LRRC66: variants seen among roughly 807,000 people sequenced by gnomAD.
LRRC66 encodes leucine-rich repeat-containing protein 66.
LRRC66 carries 29 observed loss-of-function variants against 24.6 expected under a neutral mutation model. That is an observed-to-expected ratio of 1.18 (90% confidence interval 0.88 to 1.61). LRRC66 has a LOEUF of 1.61. Ranked by LOEUF, LRRC66 falls within the 40% of genes most tolerant of loss-of-function variation. LRRC66 has a pLI of 0.00. For synonymous variants in LRRC66, 411 were observed against 397.6 expected (o/e 1.03, Z -0.40); for missense variants, 1,124 against 1,058.0 (o/e 1.06, Z -0.87).
intron 2 of LRRC66, among the ~76,000 whole-genome samples, chr4:52,009,831 T>C (rs1160874609): frequency 6.6e-6 from 1 of 152,120 alleles, no homozygotes; most frequent in Non-Finnish European, 1.5e-5. Context: ...TATCTCCCAA[T>C]TCATTTTATG....
intron 2 of LRRC66, among the ~76,000 whole-genome samples, chr4:52,006,025 C>A (rs1736574881): frequency 6.6e-6 from 1 of 152,186 alleles, no homozygotes; most frequent in South Asian, 2.1e-4. Context: ...TTTCATGATA[C>A]CTGCCTGGCC....
At chr4:52,002,190 A>G (rs144746097) in intron 3 of LRRC66, among the ~76,000 whole-genome samples, 1 of 152,366 alleles carries the variant, frequency 6.6e-6, no homozygotes, top group African/African-American at 2.4e-5. Flanking sequence ...GATGATGTGT[A>G]AAAGATAATA....
Position 51,994,317 on chromosome 4 carries a change from C to A in LRRC66, c.*62G>T. The A allele has an allele frequency of 6.9e-7, 1 of 1,449,054 alleles. No individual in the cohort carries two copies. Among genetic ancestry groups the A allele is most frequent in the East Asian group, 2.3e-5 (1 of 43,004 alleles). The allele number at this position is 1,449,054 out of a possible 1,614,324, so 89.8% of individuals were successfully genotyped here. The stretch of plus-strand genomic sequence containing the variant: ...CTTGTTGTGAAGGCTTTAGTTTTCC[C>A]CTGCCATGATCTTTAAAAGAATATT... On this transcript the variant is annotated 3_prime_UTR_variant, in exon 5 of 5. Coordinates refer to ENST00000682860, the MANE Select transcript of LRRC66 (RefSeq NM_001024611.3).
chr4:51,996,403 C>T (rs999145200), intron 4 of LRRC66, among the ~76,000 whole-genome samples: 9 of 152,030 alleles, frequency 5.9e-5, no homozygotes, highest in South Asian at 4.2e-4. Context: ...TGTGTCACCA[C>T]GCCTGGGCTG....
chr4:52,013,317 T>C (rs921795450), intron 2 of LRRC66, among the ~76,000 whole-genome samples: 2 of 152,204 alleles, frequency 1.3e-5, no homozygotes, highest in Admixed American at 6.5e-5. Flanking sequence ...TATTATTTTA[T>C]CTTATTTCTA....
intron 2 of LRRC66, among the ~76,000 whole-genome samples, chr4:52,014,853 C>T (rs953046890): frequency 1.3e-5 from 2 of 152,186 alleles, no homozygotes; most frequent in Non-Finnish European, 2.9e-5. Context: ...TCTATGTCTT[C>T]ATTTGCTAGA....
intron 1 of LRRC66, chr4:52,018,552 C>T (rs754098576): frequency 6.3e-5 from 62 of 985,468 alleles, no homozygotes; most frequent in Non-Finnish European, 6.7e-5. Flanking sequence ...ACTAAAATGG[C>T]TTAACTGACT....
chr4:52,011,800 A>C (rs1294040096), intron 2 of LRRC66, among the ~76,000 whole-genome samples: 3 of 152,190 alleles, frequency 2.0e-5, no homozygotes, highest in Non-Finnish European at 4.4e-5. Context: ...TTCTCAGTTA[A>C]AGATAAGGAC....
At chr4:52,009,264 T>G (rs1210703647) in intron 2 of LRRC66, among the ~76,000 whole-genome samples, 1 of 152,126 alleles carries the variant, frequency 6.6e-6, no homozygotes, top group East Asian at 1.9e-4. Context: ...AATTACTAAT[T>G]TATTATCAAG....
rs557190446 is a variant in LRRC66, at chr4:51,998,702, G to C, written c.667-765C>G. On this transcript the variant is annotated intron_variant, in intron 3 of 4. Transcript: ENST00000682860. ...GAAGTATCCAGTGGCTCTAGAAACAGAGAGCAGGATCTGTAAGTGTCGGAC... is the reference window on the plus strand; with the variant it reads ...GAAGTATCCAGTGGCTCTAGAAACACAGAGCAGGATCTGTAAGTGTCGGAC... Among the ~76,000 whole-genome samples, 3 of 152,326 alleles carry C rather than the reference G, an allele frequency of 2.0e-5. No homozygotes were observed. The South Asian group carries it at 6.2e-4, about 32-fold the overall frequency.
intron 2 of LRRC66, among the ~76,000 whole-genome samples, chr4:52,011,714 T>C (rs1736707756): frequency 6.6e-6 from 1 of 152,216 alleles, no homozygotes; most frequent in South Asian, 2.1e-4. Context: ...ATGTTTTACA[T>C]GTATCATCAC....
At chr4:51,996,748 G>C (rs1290466837) in intron 4 of LRRC66, among the ~76,000 whole-genome samples, 2 of 152,202 alleles carry the variant, frequency 1.3e-5, no homozygotes, top group Non-Finnish European at 2.9e-5. Flanking sequence ...CTGTTGCTCA[G>C]AGGTCCTGGA....
intron 2 of LRRC66, among the ~76,000 whole-genome samples, chr4:52,008,455 T>G (rs1045833191): frequency 2.8e-5 from 4 of 144,616 alleles, no homozygotes; most frequent in Non-Finnish European, 4.6e-5. Context: ...GGGAAAGCTG[T>G]TTTTTTTTTT....
chr4:52,017,148 G>C lies in LRRC66; in HGVS notation c.466C>G (p.Gln156Glu). Residue 156 changes from glutamine (Q) to glutamate (E), a missense_variant, in exon 2 of 5, where the codon CAA becomes GAA. By Grantham distance (29) the Gln-to-Glu change is conservative (BLOSUM62 2). Coordinates refer to ENST00000682860, the MANE Select transcript of LRRC66 (RefSeq NM_001024611.3). Reference protein sequence around the residue: ...RFPLLKVLILQRNKLSDTPKG... With the variant: ...RFPLLKVLILERNKLSDTPKG... ...GGAGTGTCACTGAGTTTATTTCTTT[G>C]AAGAATGAGCACCTTCAGCAATGGA... 1 of 1,613,716 alleles carries C rather than the reference G, an allele frequency of 6.2e-7. No individual in the cohort carries two copies.
rs761786030 is a variant in LRRC66 at position 51,994,779 on chromosome 4, G to A, written c.2243C>T (p.Thr748Met). The A allele has an allele frequency of 2.4e-5, 39 of 1,614,070 alleles. No homozygotes were observed. The highest frequency in any genetic ancestry group is 1.6e-4 in the Middle Eastern group (1 of 6,084). ...ATTTTCCTCAAGACTGTCTACAGCCGTCACATTGTCCTTGCTTGCCCCTGA... is the reference window on the plus strand; with the variant it reads ...ATTTTCCTCAAGACTGTCTACAGCCATCACATTGTCCTTGCTTGCCCCTGA... ...ESSGASKDNV[T>M]AVDSLEENVT... The change falls in exon 5 of 5, where the codon ACG (threonine) becomes ATG (methionine). Residue 748 changes from threonine (T) to methionine (M), a missense_variant. Coordinates refer to ENST00000682860, the MANE Select transcript of LRRC66 (RefSeq NM_001024611.3).
Position 51,994,489 on chromosome 4 carries a change from C to T in LRRC66, c.2533G>A (p.Glu845Lys). Reference sequence around the variant, plus strand: ...TGTAAAACGTCCACATTTGAAAATTCTAAGTCTCTAAGTGAGCAATGCCAT... The same window carrying T: ...TGTAAAACGTCCACATTTGAAAATTTTAAGTCTCTAAGTGAGCAATGCCAT... ...AEWHCSLRDL[E>K]FSNVDVLQQT... Residue 845 changes from glutamate (E) to lysine (K), a missense_variant, in exon 5 of 5, where the codon GAA becomes AAA. Coordinates refer to ENST00000682860, the MANE Select transcript of LRRC66 (RefSeq NM_001024611.3). The T allele has an allele frequency of 1.2e-6, 2 of 1,614,202 alleles. No homozygotes were observed. Among genetic ancestry groups the T allele is most frequent in the Non-Finnish European group, 1.7e-6 (2 of 1,180,042 alleles).
At chr4:52,010,931 G>A (rs1193903356) in intron 2 of LRRC66, among the ~76,000 whole-genome samples, 32 of 152,106 alleles carry the variant, frequency 2.1e-4, no homozygotes, top group Admixed American at 1.8e-3. Flanking sequence ...GAAAAAAGAC[G>A]TTAGACCAAA....
Position 51,996,088 on chromosome 4 carries a change from G to C in LRRC66, c.934C>G (p.Arg312Gly). The change falls in exon 5 of 5, where the codon CGC (arginine) becomes GGC (glycine). Residue 312 changes from arginine (R) to glycine (G), a missense_variant. Physicochemically the swap from Arg to Gly is moderately radical, Grantham distance 125. Coordinates refer to ENST00000682860, the MANE Select transcript of LRRC66 (RefSeq NM_001024611.3). ...ETRLPPIHLH[R>G]MKSLIRSKAE... ...TTGCTCCTTATGAGGCTTTTCATGC[G>C]ATGCAGATGAATGGGAGGAAGGCGG... 1 of 1,614,040 alleles carries C rather than the reference G, an allele frequency of 6.2e-7. No individual in the cohort carries two copies. The highest frequency in any genetic ancestry group is 1.6e-4 in the Middle Eastern group (1 of 6,062).
At chr4:52,003,105 G>T in intron 3 of LRRC66, 118 bp downstream of exon 3, 1 of 780,022 alleles carries the variant, frequency 1.3e-6, no homozygotes, top group Non-Finnish European at 2.0e-6. Context: ...TAGACTAACA[G>T]TTTTTGATTA....
Sources: gnomAD v4.1 joint callset for allele counts (sites outside exome capture counted in the v4.1 genomes callset) on GRCh38, gnomAD v4.1.1 for gene constraint, MANE v1.5 for transcripts, NCBI Gene and HGNC (gene_info 2026-07-23, HGNC 2026-07-21) for gene names.